Variants in ELF5 observed in about 807,000 individuals in gnomAD.
ELF5 encodes the protein ETS-related transcription factor Elf-5.
Under a neutral mutation model 38.2 loss-of-function variants are expected in ELF5, and 31 were observed. That is an observed-to-expected ratio of 0.81 (90% CI 0.61 to 1.10). The LOEUF (loss-of-function observed/expected upper bound fraction) is 1.10, where lower values mean the gene tolerates loss of function less well. ELF5 is among the 50% of genes least tolerant of loss of function. The pLI is 0.00. For synonymous variants in ELF5, 121 were observed against 112.5 expected (o/e 1.08, Z -0.48); for missense variants, 300 against 306.6 (o/e 0.98, Z 0.16).
At chr11:34,482,522 A>T in intron 4 of ELF5, 23 bp from the exon 5 acceptor site, 1 of 1,599,618 alleles carries the variant, frequency 6.3e-7, no homozygotes, top group Non-Finnish European at 8.5e-7. Flanking sequence ...AATTTATAGC[A>T]GTGGAAAGGG....
chr11:34,512,445 A>G (rs1850783579), intron 1 of ELF5, among the ~76,000 whole-genome samples: 1 of 152,096 alleles, frequency 6.6e-6, no homozygotes. Flanking sequence ...GTTAAATCCT[A>G]CCTCTGCTGC....
chr11:34,486,485 G>C (rs1459307407), intron 4 of ELF5, among the ~76,000 whole-genome samples: 1 of 152,096 alleles, frequency 6.6e-6, no homozygotes, highest in African/African-American at 2.4e-5. Context: ...CCCAGAACTT[G>C]AGGAGTTTCC....
chr11:34,488,791 C>T (rs748419079), intron 4 of ELF5, among the ~76,000 whole-genome samples: 26 of 152,214 alleles, frequency 1.7e-4, no homozygotes, highest in Non-Finnish European at 3.4e-4. Context: ...GTCACTACTA[C>T]TTAGAGAGTA....
At chr11:34,485,573 A>T (rs1849968424) in intron 4 of ELF5, among the ~76,000 whole-genome samples, 1 of 152,236 alleles carries the variant, frequency 6.6e-6, no homozygotes, top group Admixed American at 6.5e-5. Context: ...CATGTTTTGG[A>T]TGAAGGGGAT....
intron 2 of ELF5, among the ~76,000 whole-genome samples, chr11:34,500,399 G>A (rs545375542): frequency 1.8e-4 from 28 of 152,320 alleles, no homozygotes; most frequent in South Asian, 1.0e-3. Flanking sequence ...TCCTCCCAGA[G>A]CCAGTCCAGC....
At chr11:34,502,253 C>T (rs1278288178) in intron 2 of ELF5, among the ~76,000 whole-genome samples, 1 of 152,206 alleles carries the variant, frequency 6.6e-6, no homozygotes, top group African/African-American at 2.4e-5. Context: ...CCTGGGTGAA[C>T]AGGAAGCTGC....
At chr11:34,493,062 A>G in intron 3 of ELF5, 1 of 268,212 alleles carries the variant, frequency 3.7e-6, no homozygotes, top group Non-Finnish European at 7.2e-6. Context: ...ATGTGATGAA[A>G]TGATAATTAG....
intron 5 of ELF5, among the ~76,000 whole-genome samples, chr11:34,482,071 C>T (rs1856954662): frequency 6.6e-6 from 1 of 152,232 alleles, no homozygotes; most frequent in Non-Finnish European, 1.5e-5. Context: ...AGGATTGGAT[C>T]TGGCGCCAGA....
intron 2 of ELF5, among the ~76,000 whole-genome samples, chr11:34,495,482 C>T (rs1850293999): frequency 6.6e-6 from 1 of 152,176 alleles, no homozygotes. Flanking sequence ...CTCAGGTCCC[C>T]TCAACAATCC....
At chr11:34,492,755 G>A (rs551757280) in intron 3 of ELF5, 7 of 153,146 alleles carry the variant, frequency 4.6e-5, no homozygotes, top group African/African-American at 7.2e-5. Context: ...TCCGTAGCTC[G>A]GAGTATTGGA....
At chr11:34,511,702 T>G in intron 1 of ELF5, 1 of 1,110,008 alleles carries the variant, frequency 9.0e-7, no homozygotes, top group Non-Finnish European at 1.3e-6. Flanking sequence ...GTCACACAAA[T>G]CAGAGGCAGC....
Position 34,480,221 on chromosome 11 carries a change from T to C in ELF5, c.765A>G (p.Leu255=). Residue 255 remains leucine (L), a synonymous_variant, in exon 7 of 7, where the codon CTA becomes CTG. Coordinates refer to ENST00000257832, the MANE Select transcript of ELF5 (RefSeq NM_001422.4). ...TGAGCTTGATGCCTGGAGCAGATCA[T>C]AGCTTGTCTTCCTGCCACCCGTGTG... ...KNAHGWQEDK[L] is the part of the protein sequence containing the mutation. The C allele has an allele frequency of 6.2e-7, 1 of 1,613,756 alleles. No homozygotes were observed. The highest frequency in any genetic ancestry group is 8.5e-7 in the Non-Finnish European group (1 of 1,179,652).
chr11:34,488,379 C>T (rs1008474403), intron 4 of ELF5, among the ~76,000 whole-genome samples: 3 of 152,140 alleles, frequency 2.0e-5, no homozygotes, highest in Non-Finnish European at 2.9e-5. Context: ...TTTAGACACA[C>T]CTGGGTCATC....
intron 4 of ELF5, among the ~76,000 whole-genome samples, chr11:34,486,075 T>A (rs1849988109): frequency 6.6e-6 from 1 of 152,204 alleles, no homozygotes; most frequent in East Asian, 1.9e-4. Flanking sequence ...GTATCCTCAA[T>A]TGTTTATTGC....
chr11:34,482,412 A>ACTGGCAT lies in ELF5; in HGVS notation c.475+12_475+18dup. Reference sequence around the variant, plus strand: ...ATGGTTTTAAGAAATTAGAATGAAAACTGGCATCCTGCACTTACTTGTTCT... The same window carrying ACTGGCAT: ...ATGGTTTTAAGAAATTAGAATGAAAACTGGCATCTGGCATCCTGCACTTACTTGTTCT... On this transcript the variant is annotated intron_variant, in intron 5 of 6. Coordinates refer to ENST00000257832, the MANE Select transcript of ELF5 (RefSeq NM_001422.4). The ACTGGCAT allele has an allele frequency of 6.2e-7, 1 of 1,609,158 alleles. No individual in the cohort carries two copies. The highest frequency in any genetic ancestry group is 1.3e-5 in the African/African-American group (1 of 74,940).
In ELF5 at chr11:34,506,348, G is replaced by A. The variant is rs116415728; in HGVS notation, c.-4-595C>T. ...TGGGGACTACCAGAGGGAGGAGGCAGGGAAGGGGGCCAAGGTTGAAAAACT... is the reference window on the plus strand; with the variant it reads ...TGGGGACTACCAGAGGGAGGAGGCAAGGAAGGGGGCCAAGGTTGAAAAACT... On this transcript the variant is annotated intron_variant, in intron 1 of 6. Transcript: ENST00000257832. Among the ~76,000 whole-genome samples the A allele has an allele frequency of 6.2e-3, 946 of 152,238 alleles. 10 individuals are homozygous for A. The highest frequency in any genetic ancestry group is 0.022 in the African/African-American group (911 of 41,516).
rs1239717857 is a variant in ELF5 at position 34,513,668 on chromosome 11, G to A, written c.-5+9C>T. 1 of 152,348 alleles carries A rather than the reference G, an allele frequency of 6.6e-6. No individual in the cohort carries two copies. The highest frequency in any genetic ancestry group is 2.4e-5 in the African/African-American group (1 of 41,466). The allele number at this position is 152,348 out of a possible 1,614,324, so 9.4% of individuals were successfully genotyped here. A position where few individuals can be genotyped will look rare whatever the true frequency, so the allele number is the denominator to read the frequency against. On this transcript the variant is annotated intron_variant, in intron 1 of 6. Coordinates refer to ENST00000257832, the MANE Select transcript of ELF5 (RefSeq NM_001422.4). Reference sequence around the variant, plus strand: ...GATTCATCCAAAAAAGCAAAGAAAAGGCGCTTACGTGAGGGCAGCGGTGGC... The same window carrying A: ...GATTCATCCAAAAAAGCAAAGAAAAAGCGCTTACGTGAGGGCAGCGGTGGC...
At chr11:34,501,438 G>C (rs1850465520) in intron 2 of ELF5, among the ~76,000 whole-genome samples, 1 of 152,162 alleles carries the variant, frequency 6.6e-6, no homozygotes, top group Non-Finnish European at 1.5e-5. Flanking sequence ...GGTCTGTGGA[G>C]GTTAAGGAAA....
chr11:34,505,117 A>G (rs1466670857), intron 2 of ELF5, among the ~76,000 whole-genome samples: 1 of 152,206 alleles, frequency 6.6e-6, no homozygotes, highest in African/African-American at 2.4e-5. Flanking sequence ...AGGGCAAGTC[A>G]CTTAGCCTCT....
Sources: gnomAD v4.1 joint callset for allele counts (sites outside exome capture counted in the v4.1 genomes callset) on GRCh38, gnomAD v4.1.1 for gene constraint, MANE v1.5 for transcripts, NCBI Gene and HGNC (gene_info 2026-07-23, HGNC 2026-07-21) for gene names.